The following FGFR2 variants were observed in gnomAD, a reference collection of about 807,000 sequenced individuals.
FGFR2 encodes fibroblast growth factor receptor 2, also known as BEK fibroblast growth factor receptor.
Under a neutral mutation model 95.9 loss-of-function variants are expected in FGFR2, and 19 were observed. The ratio of observed to expected loss-of-function variants is 0.20; its 90% CI spans 0.14 to 0.29. FGFR2 has a LOEUF of 0.29. Ranked by LOEUF, FGFR2 falls within the 10% of genes least tolerant of loss-of-function variation. The probability of loss-of-function intolerance (pLI) is 1.00; values close to 1 mark genes in which losing one functional copy is unlikely to be tolerated. For synonymous variants in FGFR2, 392 were observed against 393.3 expected, an observed-to-expected ratio of 1.00 and a Z score of 0.04; for missense variants, 707 against 1,056.9, an observed-to-expected ratio of 0.67 and a Z score of 4.59.
intron 2 of FGFR2, among the ~76,000 whole-genome samples, chr10:121,577,174 T>TAGAG (rs1426070759): frequency 1.3e-3 from 6 of 4,798 alleles, no homozygotes; most frequent in Admixed American, 3.5e-3. Context: ...TATATATATA[T>TAGAG]ATATAGAGAG....
chr10:121,569,749 G>A (rs1476543327), intron 2 of FGFR2, among the ~76,000 whole-genome samples: 2 of 152,186 alleles, frequency 1.3e-5, no homozygotes, highest in Non-Finnish European at 2.9e-5. Context: ...TGTCTTCAAA[G>A]TCTCAAACCA....
intron 12 of FGFR2, among the ~76,000 whole-genome samples, chr10:121,497,130 C>CAAAAAAAAAAAAAAAAAAA (rs35537265): frequency 1.1e-5 from 1 of 91,454 alleles, no homozygotes; most frequent in African/African-American, 3.8e-5. Context: ...GACTTTGTCT[C>CAAAAAAAAAAAAAAAAAAA]AAAAAAAAAA....
intron 5 of FGFR2, among the ~76,000 whole-genome samples, chr10:121,546,890 T>C (rs1220372870): frequency 6.6e-6 from 1 of 152,174 alleles, no homozygotes; most frequent in Non-Finnish European, 1.5e-5. Context: ...TCTGGAAAAA[T>C]GTATCTTGGA....
intron 14 of FGFR2, 144 bp from the exon 15 acceptor site, chr10:121,487,568 G>C: frequency 4.1e-6 from 3 of 724,006 alleles, no homozygotes; most frequent in Non-Finnish European, 7.4e-6. Context: ...GTCCCAATGA[G>C]GACCATGAAC....
intron 12 of FGFR2, 136 bp from the exon 13 acceptor site, chr10:121,496,858 T>G (rs1589754780): frequency 1.3e-6 from 1 of 761,002 alleles, no homozygotes; most frequent in Non-Finnish European, 2.1e-6. Context: ...CGGCTGGGCG[T>G]GGTGCCTCAT....
chr10:121,591,198 T>C (rs1862598977), intron 2 of FGFR2, among the ~76,000 whole-genome samples: 1 of 152,200 alleles, frequency 6.6e-6, no homozygotes, highest in African/African-American at 2.4e-5. Flanking sequence ...AGTATTAGAC[T>C]AACAGATGAG....
Position 121,518,821 on chromosome 10 carries a change from C to T in FGFR2, c.939+1158G>A, listed in dbSNP as rs775831408. ...GCACTTCTGCATTGGAACTATTTATCCCCGAGTGCTAGAACAGACACAGGA... is the reference window on the plus strand; with the variant it reads ...GCACTTCTGCATTGGAACTATTTATTCCCGAGTGCTAGAACAGACACAGGA... On this transcript the variant is annotated intron_variant, in intron 7 of 17. Transcript: ENST00000358487. This position sits in a 1 kb window ranked among gnomAD's most constrained non-coding sequence, Gnocchi z 4.0. 10 of 1,614,088 alleles carry T rather than the reference C, an allele frequency of 6.2e-6. No individual in the cohort carries two copies. The highest frequency in any genetic ancestry group is 5.9e-6 in the Non-Finnish European group (7 of 1,179,978).
intron 9 of FGFR2, among the ~76,000 whole-genome samples, chr10:121,511,559 C>T (rs763471059): frequency 6.6e-6 from 1 of 152,276 alleles, no homozygotes; most frequent in South Asian, 2.1e-4. Context: ...TGTACCAGAA[C>T]CAACACGCTC....
intron 16 of FGFR2, among the ~76,000 whole-genome samples, chr10:121,484,552 C>A (rs888439907): frequency 5.3e-5 from 8 of 152,210 alleles, no homozygotes; most frequent in Non-Finnish European, 7.3e-5. Flanking sequence ...GATATAAAAT[C>A]CCCATGAAAT....
At chr10:121,489,554 C>T (rs959999912) in intron 13 of FGFR2, among the ~76,000 whole-genome samples, 1 of 152,252 alleles carries the variant, frequency 6.6e-6, no homozygotes, top group Admixed American at 6.5e-5. Flanking sequence ...ACAAAATATG[C>T]GCAAGTTCGT....
intron 5 of FGFR2, among the ~76,000 whole-genome samples, chr10:121,540,161 C>G (rs781046935): frequency 2.0e-5 from 3 of 152,234 alleles, no homozygotes; most frequent in Non-Finnish European, 4.4e-5. Flanking sequence ...TGGTCAGCCA[C>G]TTTGCTGGGC....
intron 12 of FGFR2, among the ~76,000 whole-genome samples, chr10:121,497,300 G>A (rs1288453920): frequency 6.6e-6 from 1 of 152,090 alleles, no homozygotes; most frequent in Non-Finnish European, 1.5e-5. Context: ...TCACTCTCAT[G>A]CTGTCACCTG....
chr10:121,577,780 T>TC (rs964771458), intron 2 of FGFR2, among the ~76,000 whole-genome samples: 8 of 151,962 alleles, frequency 5.3e-5, no homozygotes, highest in Non-Finnish European at 1.2e-4. Context: ...GGTTCATATT[T>TC]CCACCTGCCC....
intron 15 of FGFR2, among the ~76,000 whole-genome samples, chr10:121,486,843 C>T (rs1442814459): frequency 1.3e-5 from 2 of 152,190 alleles, no homozygotes; most frequent in African/African-American, 4.8e-5. Flanking sequence ...TTCTAGAATG[C>T]TATCAAGGAT....
rs1261631929 is a variant in FGFR2 at position 121,580,915 on chromosome 10, G to A, written c.109+12794C>T. Among the ~76,000 whole-genome samples the A allele has an allele frequency of 3.7e-5, 4 of 107,076 alleles. No homozygotes were observed. In the East Asian group the frequency reaches 1.1e-3, roughly 31 times the overall value. The allele number at this position is 107,076 out of a possible 152,430, so 70.2% of individuals were successfully genotyped here. A position where few individuals can be genotyped will look rare whatever the true frequency, so the allele number is the denominator to read the frequency against. ...AAGCTTTAGATCTCAGAAGGGCTGT[G>A]CGCCGGCTCCCACGAATGTAGGCTT... On this transcript the variant is annotated intron_variant, in intron 2 of 17. Transcript: ENST00000358487.
In FGFR2 at chr10:121,517,392, A is replaced by T. The variant is rs886038254; in HGVS notation, c.1011T>A (p.Ala337=). ...TACCCGCCAAGCACGTATATTCCCC[A>T]GCGTCCTCAAAAGTTACATTCCGAA... ...LYIRNVTFED[A]GEYTCLAGNS... Residue 337 remains alanine (A), a synonymous_variant, in exon 8 of 18, where the codon GCT becomes GCA. Transcript: ENST00000358487. The surrounding 1 kb of genome is among the most constrained non-coding windows in gnomAD (Gnocchi z 4.7). 1 of 1,614,236 alleles carries T rather than the reference A, an allele frequency of 6.2e-7. No individual in the cohort carries two copies. Among genetic ancestry groups the T allele is most frequent in the Non-Finnish European group, 8.5e-7 (1 of 1,180,036 alleles).
rs369835507 is a variant in FGFR2 at position 121,518,858 on chromosome 10, C to T, written c.939+1121G>A. 27 of 1,613,672 alleles carry T rather than the reference C, an allele frequency of 1.7e-5. No individual in the cohort carries two copies. Among genetic ancestry groups the T allele is most frequent in the African/African-American group, 2.7e-5 (2 of 74,902 alleles). On this transcript the variant is annotated intron_variant, in intron 7 of 17. Coordinates refer to ENST00000358487, the MANE Select transcript of FGFR2 (RefSeq NM_000141.5). This position sits in a 1 kb window ranked among gnomAD's most constrained non-coding sequence, Gnocchi z 4.0. ...GAACAGACACAGGAGAACAATATAA[C>T]GGCCAACCAGGAAGGTCTTAGCATT...
chr10:121,571,403 A>C (rs549136488), intron 2 of FGFR2, among the ~76,000 whole-genome samples: 71 of 140,064 alleles, frequency 5.1e-4, no homozygotes, highest in Admixed American at 9.5e-4. Flanking sequence ...GGTTCAAGTG[A>C]TTCTCCTGCC....
chr10:121,598,301 C>T lies in FGFR2; in HGVS notation c.-490G>A. The T allele has an allele frequency of 2.8e-6, 1 of 360,006 alleles. No homozygotes were observed. The highest frequency in any genetic ancestry group is 5.0e-6 in the Non-Finnish European group (1 of 201,040). The allele number at this position is 360,006 out of a possible 1,614,324, so 22.3% of individuals were successfully genotyped here. ...GGGCCCCCGGGGCTCGCGGCCGGCC[C>T]CCGCCAGCCCGGAGAGCAGTCGCCG... On this transcript the variant is annotated 5_prime_UTR_variant, in exon 1 of 18. Transcript: ENST00000358487.
Sources: allele counts gnomAD v4.1 joint callset (sites outside exome capture counted in the v4.1 genomes callset), GRCh38; gene constraint gnomAD v4.1.1; non-coding constraint Gnocchi (gnomAD v3.1); transcripts MANE v1.5; gene names NCBI Gene and HGNC (gene_info 2026-07-23, HGNC 2026-07-21).